Variants in NDUFA10 observed in about 807,000 individuals in gnomAD.
NDUFA10 encodes the protein NADH:ubiquinone oxidoreductase subunit A10.
NDUFA10 carries 40 observed loss-of-function variants against 47.8 expected under a neutral mutation model. That is an observed-to-expected ratio of 0.84 (90% CI 0.65 to 1.09). The LOEUF (loss-of-function observed/expected upper bound fraction) is 1.09. Ranked by LOEUF, NDUFA10 falls within the 50% of genes least tolerant of loss-of-function variation. NDUFA10 has a pLI of 0.00. For missense variants in NDUFA10, 413 were observed against 451.1 expected, an observed-to-expected ratio of 0.92 and a Z score of 0.76; for synonymous variants, 183 against 172.2, an observed-to-expected ratio of 1.06 and a Z score of -0.49.
intron 9 of NDUFA10, among the ~76,000 whole-genome samples, chr2:239,961,799 A>G (rs1694862824): frequency 6.6e-6 from 1 of 152,228 alleles, no homozygotes; most frequent in African/African-American, 2.4e-5. Context: ...AACATCCAGG[A>G]GCGACAGGAC....
downstream of NDUFA10, among the ~76,000 whole-genome samples, chr2:239,955,572 C>A (rs958834165): frequency 6.6e-6 from 1 of 152,280 alleles, no homozygotes; most frequent in Middle Eastern, 3.4e-3. Flanking sequence ...GGGGTTGGCA[C>A]GCGAGGCAAA....
intron 8 of NDUFA10, among the ~76,000 whole-genome samples, chr2:240,001,916 G>C (rs926207051): frequency 4.6e-5 from 7 of 152,208 alleles, no homozygotes; most frequent in Non-Finnish European, 1.0e-4. Flanking sequence ...AGGTTGAAAT[G>C]TGTTGTCCAC....
chr2:239,919,071 C>G (rs142276439), intron 4 of NDUFA10, among the ~76,000 whole-genome samples: 1,799 of 152,306 alleles, frequency 0.012, 17 homozygotes, highest in Non-Finnish European at 0.02. Flanking sequence ...CTCTCCAGGT[C>G]TAAGCACCAT....
chr2:239,892,891 G>T (rs72991981), intron 5 of NDUFA10, among the ~76,000 whole-genome samples: 3,213 of 152,298 alleles, frequency 0.021, 37 homozygotes, highest in Middle Eastern at 0.031. Context: ...GTGTAGGCAG[G>T]GGGGCAAGGA....
chr2:239,927,803 G>A (rs898819507), intron 4 of NDUFA10, among the ~76,000 whole-genome samples: 7 of 152,146 alleles, frequency 4.6e-5, no homozygotes, highest in Non-Finnish European at 8.8e-5. Flanking sequence ...CGTGGCAGCC[G>A]CCACAGGTGG....
chr2:239,967,282 T>C (rs1166208902), intron 9 of NDUFA10, among the ~76,000 whole-genome samples: 2 of 152,250 alleles, frequency 1.3e-5, no homozygotes, highest in Non-Finnish European at 2.9e-5. Flanking sequence ...ACCAGGCTCT[T>C]GGCCTTTTAC....
rs1266007062 is a variant in NDUFA10 at position 240,018,298 on chromosome 2, G to A, written c.547+255C>T. 7.7e-6 allele frequency: 8 copies of A among 1,037,610 alleles called. No homozygotes were observed. The Admixed American group carries it at 1.1e-4, about 15-fold the overall frequency. The allele number at this position is 1,037,610 out of a possible 1,614,324, so 64.3% of individuals were successfully genotyped here. A position where few individuals can be genotyped will look rare whatever the true frequency, so the allele number is the denominator to read the frequency against. On this transcript the variant is annotated intron_variant, in intron 4 of 9. Transcript: ENST00000252711. ...GGCTGTGGGGGCTGCACTTTAAGCT[G>A]CGTGTGTTTGAGGTCCAGGGCTCCA...
At chr2:239,910,884 C>T (rs749092206) in intron 4 of NDUFA10, among the ~76,000 whole-genome samples, 5 of 152,228 alleles carry the variant, frequency 3.3e-5, no homozygotes, top group Non-Finnish European at 7.3e-5. Flanking sequence ...GGCTCCTCCT[C>T]GTGAGCTGTC....
intron 4 of NDUFA10, among the ~76,000 whole-genome samples, chr2:239,921,186 G>C (rs1223240075): frequency 6.6e-6 from 1 of 152,084 alleles, no homozygotes; most frequent in East Asian, 1.9e-4. Context: ...GTGTAGGTAG[G>C]CGAGTGAGCT....
At chr2:239,978,743 G>A (rs1695639820) in intron 9 of NDUFA10, among the ~76,000 whole-genome samples, 1 of 152,208 alleles carries the variant, frequency 6.6e-6, no homozygotes, top group Admixed American at 6.5e-5. Flanking sequence ...AAGAGCTGCT[G>A]TTCTGTTAAA....
chr2:240,009,826 A>C lies in NDUFA10; in HGVS notation c.749+1791T>G, dbSNP rs529650655. Among the ~76,000 whole-genome samples, 7 of 152,350 alleles carry C rather than the reference A, an allele frequency of 4.6e-5. No homozygotes were observed. In the South Asian group the frequency reaches 1.4e-3, roughly 32 times the overall value. The stretch of plus-strand genomic sequence containing the variant: ...TATGATCTAACAATATTGTCTTCTA[A>C]GGTCTAACCTAAGATCTAACAATAA... On this transcript the variant is annotated intron_variant, in intron 6 of 9. Transcript: ENST00000252711.
intron 8 of NDUFA10, among the ~76,000 whole-genome samples, chr2:239,999,281 C>T (rs1255949797): frequency 6.6e-6 from 1 of 152,208 alleles, no homozygotes; most frequent in Non-Finnish European, 1.5e-5. Context: ...ACGGTGAATG[C>T]CGACCGTCCT....
rs1008492380 is a variant in NDUFA10, at chr2:239,928,844, C to A, written c.295-33530G>T. 6.6e-6 allele frequency among the ~76,000 whole-genome samples: 1 copy of A among 152,196 alleles called. No homozygotes were observed. Among genetic ancestry groups the A allele is most frequent in the African/African-American group, 2.4e-5 (1 of 41,454 alleles). On this transcript the variant is annotated intron_variant, in intron 4 of 5. Coordinates refer to the NDUFA10 transcript ENST00000419408. This position sits in a 1 kb window ranked among gnomAD's most constrained non-coding sequence, Gnocchi z 4.3. ...CGGAGCCTGTGTGGTTGCTCCTTCA[C>A]CCCACTCCTCCCATCAGCGGATCCT...
chr2:239,976,794 G>A (rs1695542686), intron 9 of NDUFA10, among the ~76,000 whole-genome samples: 1 of 152,200 alleles, frequency 6.6e-6, no homozygotes, highest in Non-Finnish European at 1.5e-5. Context: ...ATGAGCTGTG[G>A]CAGAGGCTGA....
At chr2:239,983,540 T>A (rs1394118891) in intron 9 of NDUFA10, 5 of 1,602,362 alleles carry the variant, frequency 3.1e-6, no homozygotes, top group Non-Finnish European at 4.3e-6. Context: ...ATAAAGGCTG[T>A]GGTGTGCATG....
chr2:239,926,757 TG>T (rs1390430948), intron 4 of NDUFA10, among the ~76,000 whole-genome samples: 1 of 151,828 alleles, frequency 6.6e-6, no homozygotes, highest in Admixed American at 6.6e-5. Context: ...GAGGTGGAGG[TG>T]GAAGACAGTG....
At chr2:240,021,950 T>C (rs1697640617) in intron 2 of NDUFA10, among the ~76,000 whole-genome samples, 1 of 152,222 alleles carries the variant, frequency 6.6e-6, no homozygotes, top group Non-Finnish European at 1.5e-5. Flanking sequence ...ACAACCAGCA[T>C]GGATTTTCAC....
chr2:239,904,801 T>C (rs192040033), intron 4 of NDUFA10, among the ~76,000 whole-genome samples: 2 of 152,196 alleles, frequency 1.3e-5, no homozygotes, highest in Non-Finnish European at 2.9e-5. Flanking sequence ...GAAGTCAGGG[T>C]GTCCACACAG....
intron 4 of NDUFA10, among the ~76,000 whole-genome samples, chr2:239,895,741 C>A (rs962067806): frequency 6.6e-6 from 1 of 152,222 alleles, no homozygotes; most frequent in Non-Finnish European, 1.5e-5. Context: ...TATTTTGTAG[C>A]TCACATATGT....
Sources: allele counts gnomAD v4.1 joint callset (sites outside exome capture counted in the v4.1 genomes callset), GRCh38; gene constraint gnomAD v4.1.1; non-coding constraint Gnocchi (gnomAD v3.1); transcripts MANE v1.5; gene names NCBI Gene and HGNC (gene_info 2026-07-23, HGNC 2026-07-21).